The following CNTNAP4 variants were observed in gnomAD, a reference collection of about 807,000 sequenced individuals.
CNTNAP4 encodes the protein contactin associated protein family member 4, also known as contactin-associated protein-like 4.
Under a neutral mutation model 148.4 loss-of-function variants are expected in CNTNAP4, and 98 were observed. The observed-to-expected ratio is 0.66, with a 90% CI of 0.56 to 0.78. The LOEUF (loss-of-function observed/expected upper bound fraction) is 0.78. Among genes scored for constraint, CNTNAP4 ranks in the 30% least tolerant of loss-of-function variants. The pLI, the probability that CNTNAP4 is intolerant of heterozygous loss-of-function variation, is 0.00. For missense variants in CNTNAP4, 1,935 were observed against 1,565.6 expected, an observed-to-expected ratio of 1.24 and a Z score of -3.98; for synonymous variants, 730 against 565.1, an observed-to-expected ratio of 1.29 and a Z score of -4.14.
intron 2 of CNTNAP4, among the ~76,000 whole-genome samples, chr16:76,324,666 T>C (rs1962779471): frequency 6.6e-6 from 1 of 152,196 alleles, no homozygotes; most frequent in African/African-American, 2.4e-5. Context: ...TTAGAAATGT[T>C]AGCTGCCATG....
intron 3 of CNTNAP4, among the ~76,000 whole-genome samples, chr16:76,420,955 C>T (rs74026771): frequency 0.031 from 4,701 of 151,978 alleles, 244 homozygotes; most frequent in African/African-American, 0.11. Context: ...TCCACAAAAT[C>T]GTACATATCA....
intron 1 of CNTNAP4, among the ~76,000 whole-genome samples, chr16:76,298,326 A>C (rs1959529737): frequency 6.6e-6 from 1 of 152,210 alleles, no homozygotes; most frequent in Non-Finnish European, 1.5e-5. Context: ...AAATGCAATA[A>C]GCAAAATGTA....
At chr16:76,309,723 A>AG in intron 1 of CNTNAP4, 1 of 613,056 alleles carries the variant, frequency 1.6e-6, no homozygotes, top group South Asian at 1.8e-5. Context: ...ACAGGGACCC[A>AG]GGTGGAGGTA....
At chr16:76,373,291 T>C (rs1047333497) in intron 3 of CNTNAP4, among the ~76,000 whole-genome samples, 4 of 151,786 alleles carry the variant, frequency 2.6e-5, no homozygotes, top group South Asian at 2.1e-4. Flanking sequence ...CACATAAATA[T>C]GTGAAATATA....
chr16:76,307,253 T>C (rs1381547687), intron 1 of CNTNAP4, among the ~76,000 whole-genome samples: 1 of 151,972 alleles, frequency 6.6e-6, no homozygotes, highest in Non-Finnish European at 1.5e-5. Context: ...TTTGCAGGTA[T>C]TGAGAATGGA....
Position 76,558,434 on chromosome 16 carries a change from A to C in CNTNAP4, c.3734-56A>C, listed in dbSNP as rs934123974. 3 of 996,762 alleles carry C rather than the reference A, an allele frequency of 3.0e-6. No homozygotes were observed. In the African/African-American group the frequency reaches 4.8e-5, roughly 16 times the overall value. 61.7% of individuals were successfully genotyped at this position (996,762 alleles called of 1,614,324 possible). ...TGATGACTTATTAAGCAATGAAGTCAGCACAGTTTCTATTTGGACAGAAAT... is the reference window on the plus strand; with the variant it reads ...TGATGACTTATTAAGCAATGAAGTCCGCACAGTTTCTATTTGGACAGAAAT... On this transcript the variant is annotated intron_variant, in intron 23 of 23. Coordinates refer to ENST00000611870, the MANE Select transcript of CNTNAP4 (RefSeq NM_033401.5).
intron 3 of CNTNAP4, among the ~76,000 whole-genome samples, chr16:76,373,883 G>A (rs1597356616): frequency 1.8e-5 from 2 of 112,992 alleles, no homozygotes; most frequent in East Asian, 2.6e-4. Flanking sequence ...TGACAAGAGT[G>A]AAACTCCATC....
intron 3 of CNTNAP4, among the ~76,000 whole-genome samples, chr16:76,388,658 C>A (rs903706033): frequency 6.6e-6 from 1 of 152,078 alleles, no homozygotes; most frequent in Non-Finnish European, 1.5e-5. Context: ...CTGTTATAAA[C>A]ACATATACAT....
rs1404439380 is a variant in CNTNAP4, at chr16:76,355,399, C to G, written c.278C>G (p.Ala93Gly). 1.9e-6 allele frequency: 3 copies of G among 1,611,350 alleles called. No individual in the cohort carries two copies. Among genetic ancestry groups the G allele is most frequent in the East Asian group, 4.5e-5 (2 of 44,576 alleles). ...CTTGGAGAGAGAATGGAGGTCACCG[C>G]TGTGGCCACTCAAGGGGGATATGGT... ...IDLGERMEVT[A>G]VATQGGYGSS... Residue 93 changes from alanine to glycine, a missense_variant, in exon 3 of 24, where the codon GCT (alanine) becomes GGT (glycine). Transcript: ENST00000611870.
At chr16:76,287,305 A>T (rs1003646848) in intron 1 of CNTNAP4, among the ~76,000 whole-genome samples, 3 of 152,196 alleles carry the variant, frequency 2.0e-5, no homozygotes, top group Non-Finnish European at 4.4e-5. Context: ...AAGGAGGCTA[A>T]TGTAGAATTT....
At chr16:76,421,278 G>C (rs2079177967) in intron 3 of CNTNAP4, among the ~76,000 whole-genome samples, 2 of 152,000 alleles carry the variant, frequency 1.3e-5, no homozygotes, top group Admixed American at 6.6e-5. Flanking sequence ...TTTGGAAGGT[G>C]GTAGAGTTTG....
At chr16:76,479,307 TG>T in intron 11 of CNTNAP4, 111 bp from the exon 12 acceptor site, 3 of 861,146 alleles carry the variant, frequency 3.5e-6, no homozygotes, top group African/African-American at 1.7e-5. Flanking sequence ...CCTTTTCTCC[TG>T]GTCAGTAATG....
intron 3 of CNTNAP4, among the ~76,000 whole-genome samples, chr16:76,380,061 AAATT>A (rs2015808210): frequency 6.6e-6 from 1 of 152,168 alleles, no homozygotes; most frequent in African/African-American, 2.4e-5. Flanking sequence ...ATTTTTTGAG[AAATT>A]AATTTTTTCA....
chr16:76,317,137 C>G (rs1386540211), intron 2 of CNTNAP4, among the ~76,000 whole-genome samples: 13 of 151,750 alleles, frequency 8.6e-5, no homozygotes, highest in Non-Finnish European at 1.9e-4. Context: ...GTGATGCATG[C>G]CTGTAGTCCC....
At chr16:76,511,214 A>C (rs539668451) in intron 15 of CNTNAP4, among the ~76,000 whole-genome samples, 1 of 152,136 alleles carries the variant, frequency 6.6e-6, no homozygotes, top group Non-Finnish European at 1.5e-5. Flanking sequence ...AATTCATTAC[A>C]TTGAAATTTT....
chr16:76,551,069 G>A (rs1019515908), intron 21 of CNTNAP4, among the ~76,000 whole-genome samples: 3 of 151,936 alleles, frequency 2.0e-5, no homozygotes, highest in South Asian at 2.1e-4. Flanking sequence ...TTATTATTAC[G>A]TAGAAAACAT....
intron 1 of CNTNAP4, among the ~76,000 whole-genome samples, chr16:76,315,719 C>G (rs1317682341): frequency 1.3e-5 from 2 of 152,038 alleles, no homozygotes; most frequent in African/African-American, 4.8e-5. Flanking sequence ...CTCAGCCTCC[C>G]TAGCAGCTGA....
At chr16:76,481,697 A>C (rs950526357) in intron 12 of CNTNAP4, among the ~76,000 whole-genome samples, 1 of 152,288 alleles carries the variant, frequency 6.6e-6, no homozygotes, top group Middle Eastern at 3.4e-3. Flanking sequence ...AAAAGGGCAA[A>C]ATTATTATAC....
intron 3 of CNTNAP4, among the ~76,000 whole-genome samples, chr16:76,420,693 C>T (rs1184610770): frequency 2.0e-5 from 3 of 151,940 alleles, no homozygotes; most frequent in Admixed American, 2.0e-4. Flanking sequence ...ACAACAACAA[C>T]AACAACGAAA....
Sources: allele counts gnomAD v4.1 joint callset (sites outside exome capture counted in the v4.1 genomes callset), GRCh38; gene constraint gnomAD v4.1.1; transcripts MANE v1.5; gene names NCBI Gene and HGNC (gene_info 2026-07-23, HGNC 2026-07-21).